The following LRRTM4 variants were observed in gnomAD, a reference collection of about 807,000 sequenced individuals.
LRRTM4 encodes leucine rich repeat transmembrane neuronal 4, also known as leucine-rich repeat transmembrane neuronal protein 4.
In LRRTM4, 25 loss-of-function variants were observed where a neutral mutation model predicts 47.6. The ratio of observed to expected loss-of-function variants is 0.53; its 90% CI spans 0.38 to 0.73. The LOEUF (loss-of-function observed/expected upper bound fraction) is 0.73, where lower values mean the gene tolerates loss of function less well. Ranked by LOEUF, LRRTM4 falls within the 30% of genes least tolerant of loss-of-function variation. LRRTM4 has a pLI of 0.00. For missense variants in LRRTM4, 638 were observed against 713.4 expected, an observed-to-expected ratio of 0.89 and a Z score of 1.20; for synonymous variants, 311 against 269.5, an observed-to-expected ratio of 1.15 and a Z score of -1.51.
intron 3 of LRRTM4, among the ~76,000 whole-genome samples, chr2:77,317,225 A>G (rs186103291): frequency 9.2e-5 from 14 of 152,302 alleles, no homozygotes; most frequent in African/African-American, 3.1e-4. Flanking sequence ...CATATGACAA[A>G]TATTAAGTGT....
chr2:77,408,016 G>A (rs1401356609), intron 3 of LRRTM4, among the ~76,000 whole-genome samples: 1 of 151,762 alleles, frequency 6.6e-6, no homozygotes, highest in East Asian at 1.9e-4. Context: ...TTTTTTAGAA[G>A]GAAATTTGCA....
In LRRTM4 at chr2:76,907,416, C is replaced by T. The variant is rs1483064226; in HGVS notation, c.1552-158500G>A. On this transcript the variant is annotated intron_variant, in intron 3 of 3. Transcript: ENST00000409884. ...GAAAGATCCAAAATTGACACCCTAA[C>T]ATCACAATTAAAAGAACTAGAAAAG... 4.0e-5 allele frequency among the ~76,000 whole-genome samples: 6 copies of T among 150,442 alleles called. No homozygotes were observed. In the East Asian group the frequency reaches 7.9e-4, roughly 20 times the overall value.
intron 3 of LRRTM4, among the ~76,000 whole-genome samples, chr2:77,276,984 T>C (rs1676378068): frequency 6.6e-6 from 1 of 151,684 alleles, no homozygotes; most frequent in Non-Finnish European, 1.5e-5. Context: ...GTCCTTGAGA[T>C]AATGGCTGTA....
chr2:76,843,333 A>G (rs1288888920), intron 3 of LRRTM4, among the ~76,000 whole-genome samples: 3 of 152,190 alleles, frequency 2.0e-5, no homozygotes, highest in Admixed American at 2.0e-4. Flanking sequence ...AATATTTAAG[A>G]TTGACTTCTA....
At chr2:77,016,739 T>TA (rs1353011045) in intron 3 of LRRTM4, among the ~76,000 whole-genome samples, 1 of 152,164 alleles carries the variant, frequency 6.6e-6, no homozygotes, top group African/African-American at 2.4e-5. Flanking sequence ...TCTAGTGAAT[T>TA]ACATATTAGA....
At chr2:77,325,929 G>T (rs1334497572) in intron 3 of LRRTM4, among the ~76,000 whole-genome samples, 1 of 152,144 alleles carries the variant, frequency 6.6e-6, no homozygotes, top group Non-Finnish European at 1.5e-5. Flanking sequence ...AAGCAAGAAG[G>T]CTACTCTTAG....
chr2:77,299,441 C>T (rs1008078680), intron 3 of LRRTM4, among the ~76,000 whole-genome samples: 1 of 151,740 alleles, frequency 6.6e-6, no homozygotes, highest in Non-Finnish European at 1.5e-5. Flanking sequence ...GTCTTATTTA[C>T]ATTTTCATTA....
chr2:76,761,711 C>G (rs1673260752), intron 3 of LRRTM4, among the ~76,000 whole-genome samples: 1 of 152,176 alleles, frequency 6.6e-6, no homozygotes, highest in Admixed American at 6.5e-5. Flanking sequence ...AGGACTCTCA[C>G]TGTTGAAAAA....
chr2:77,282,995 G>C (rs529354309), intron 3 of LRRTM4, among the ~76,000 whole-genome samples: 1 of 151,156 alleles, frequency 6.6e-6, no homozygotes, highest in East Asian at 1.9e-4. Context: ...TTGACAAAAA[G>C]GGAGCTTCTA....
intron 3 of LRRTM4, among the ~76,000 whole-genome samples, chr2:76,897,502 T>C (rs1673462987): frequency 6.6e-6 from 1 of 152,116 alleles, no homozygotes; most frequent in Non-Finnish European, 1.5e-5. Context: ...TTATGACAAA[T>C]GTGCCTTTTA....
intron 3 of LRRTM4, among the ~76,000 whole-genome samples, chr2:76,887,775 A>C (rs1369881673): frequency 6.6e-6 from 1 of 150,784 alleles, no homozygotes; most frequent in African/African-American, 2.4e-5. Context: ...AAAACATAAG[A>C]AAATAAAATC....
intron 3 of LRRTM4, among the ~76,000 whole-genome samples, chr2:76,886,083 C>A (rs1019738148): frequency 6.6e-6 from 1 of 151,900 alleles, no homozygotes; most frequent in South Asian, 2.1e-4. Context: ...AAGATATTTG[C>A]GAAAATCATC....
chr2:76,823,252 G>T (rs2103864405), intron 3 of LRRTM4, among the ~76,000 whole-genome samples: 1 of 151,144 alleles, frequency 6.6e-6, no homozygotes, highest in African/African-American at 2.4e-5. Context: ...CTATTACAAA[G>T]AATAAAATTA....
chr2:77,426,289 T>C (rs894545694), intron 3 of LRRTM4, among the ~76,000 whole-genome samples: 3 of 152,174 alleles, frequency 2.0e-5, no homozygotes. Context: ...ACCTTTTCCC[T>C]TAATGTATCT....
chr2:77,253,229 C>T (rs1171976705), intron 3 of LRRTM4, among the ~76,000 whole-genome samples: 1 of 152,140 alleles, frequency 6.6e-6, no homozygotes, highest in Admixed American at 6.6e-5. Context: ...AACAGCCATA[C>T]ACTGAAAATG....
chr2:77,320,501 T>A (rs1677757480), intron 3 of LRRTM4, among the ~76,000 whole-genome samples: 1 of 152,192 alleles, frequency 6.6e-6, no homozygotes. Context: ...CCTAGTGTTA[T>A]TTGCCTACTT....
intron 3 of LRRTM4, among the ~76,000 whole-genome samples, chr2:76,767,469 T>C (rs1335233495): frequency 6.6e-6 from 1 of 152,208 alleles, no homozygotes; most frequent in Non-Finnish European, 1.5e-5. Flanking sequence ...GTGAAATGAC[T>C]TGCCCAAGAT....
chr2:76,970,185 T>C (rs1176473557), intron 3 of LRRTM4, among the ~76,000 whole-genome samples: 1 of 152,012 alleles, frequency 6.6e-6, no homozygotes, highest in Non-Finnish European at 1.5e-5. Flanking sequence ...GGATTCATAA[T>C]TTGATAATTT....
intron 3 of LRRTM4, among the ~76,000 whole-genome samples, chr2:77,403,810 T>C (rs1041281675): frequency 6.6e-6 from 1 of 151,538 alleles, no homozygotes; most frequent in East Asian, 1.9e-4. Flanking sequence ...ATATGACTAA[T>C]TGTTGGTTTG....
Sources: gnomAD v4.1 joint callset for allele counts (sites outside exome capture counted in the v4.1 genomes callset) on GRCh38, gnomAD v4.1.1 for gene constraint, MANE v1.5 for transcripts, NCBI Gene and HGNC (gene_info 2026-07-23, HGNC 2026-07-21) for gene names.